NFASC: variants seen among roughly 807,000 people sequenced by gnomAD.
NFASC encodes neurofascin homolog.
In NFASC, 43 loss-of-function variants were observed where a neutral mutation model predicts 147.5. That is an observed-to-expected ratio of 0.29 (90% CI 0.23 to 0.38). NFASC has a LOEUF of 0.38. Ranked by LOEUF, NFASC falls within the 10% of genes least tolerant of loss-of-function variation. The pLI, the probability that NFASC is intolerant of heterozygous loss-of-function variation, is 1.00. For synonymous variants in NFASC, 622 were observed against 665.5 expected (o/e 0.93, Z 1.01); for missense variants, 1,320 against 1,689.0 (o/e 0.78, Z 3.83).
At chr1:204,995,504 G>T (rs563142193) in intron 24 of NFASC, among the ~76,000 whole-genome samples, 2 of 152,020 alleles carry the variant, frequency 1.3e-5, no homozygotes, top group African/African-American at 2.4e-5. Flanking sequence ...TCACCCCTCC[G>T]CACGCCGCCC....
rs868512 is a variant in NFASC, at chr1:205,019,055, C to A, written c.*2516C>A. ...TGAGAGCTGCCCCCCATCACCACGC[C>A]ATCACACCCCTCTGAGCAGAAGCAA... On this transcript the variant is annotated 3_prime_UTR_variant, in exon 30 of 30. Coordinates refer to ENST00000339876, the MANE Select transcript of NFASC (RefSeq NM_001005388.3). 100,990 of 152,194 alleles carry A rather than the reference C, an allele frequency of 0.66. 34,710 individuals are homozygous for A. The highest frequency in any genetic ancestry group is 0.74 in the Non-Finnish European group (50,616 of 68,090). The allele number at this position is 152,194 out of a possible 1,614,324, so 9.4% of individuals were successfully genotyped here.
intron 2 of NFASC, among the ~76,000 whole-genome samples, chr1:204,939,290 A>G (rs899363113): frequency 2.0e-5 from 3 of 152,100 alleles, no homozygotes; most frequent in East Asian, 3.9e-4. Flanking sequence ...TATTATATAT[A>G]AAAGGATCCT....
At chr1:205,003,719 A>G (rs1480332443) in intron 27 of NFASC, among the ~76,000 whole-genome samples, 1 of 152,230 alleles carries the variant, frequency 6.6e-6, no homozygotes. Flanking sequence ...AGTGATTTAC[A>G]TGAACTTCTG....
At chr1:204,955,490 A>G (rs1353628762) in intron 7 of NFASC, among the ~76,000 whole-genome samples, 2 of 152,096 alleles carry the variant, frequency 1.3e-5, no homozygotes, top group East Asian at 3.9e-4. Context: ...GGAAGGGTGA[A>G]TGGGGAATTG....
chr1:204,937,476 C>A (rs192687726), intron 2 of NFASC, among the ~76,000 whole-genome samples: 1 of 152,292 alleles, frequency 6.6e-6, no homozygotes, highest in African/African-American at 2.4e-5. Context: ...TCAACCTGCA[C>A]CCCCAGCAAC....
At chr1:204,944,455 A>ATGG in intron 3 of NFASC, 49 bp downstream of exon 3, 4 of 385,400 alleles carry the variant, frequency 1.0e-5, no homozygotes, top group Non-Finnish European at 1.5e-5. Context: ...TTTTGGGCAG[A>ATGG]GGGGTGGGAG....
At chr1:204,995,362 C>T (rs75072830) in intron 24 of NFASC, among the ~76,000 whole-genome samples, 1 of 136,588 alleles carries the variant, frequency 7.3e-6, no homozygotes, top group African/African-American at 2.8e-5. Context: ...GTATGTGTGT[C>T]GGTGGGTGGG....
At chr1:204,977,221 G>A (rs1056876077) in intron 16 of NFASC, 16 of 660,200 alleles carry the variant, frequency 2.4e-5, no homozygotes, top group Non-Finnish European at 2.9e-5. Flanking sequence ...CTGGGTTTTG[G>A]TAGCGTTTCA....
Position 205,016,312 on chromosome 1 carries a change from G to T in NFASC, c.3496G>T (p.Glu1166Ter). The T allele has an allele frequency of 6.2e-7, 1 of 1,611,346 alleles. No individual in the cohort carries two copies. The highest frequency in any genetic ancestry group is 8.5e-7 in the Non-Finnish European group (1 of 1,177,554). Reference sequence around the variant, plus strand: ...TCTCTGTCTCTCTTTGGCCAGTGATGAGGACAACAAGCCCCTGCAGGGCAG... The same window carrying T: ...TCTCTGTCTCTCTTTGGCCAGTGATTAGGACAACAAGCCCCTGCAGGGCAG... ...EEDGSFDYSDEDNKPLQGSQT... is the reference protein window; with the variant it reads ...EEDGSFDYSD The change falls in exon 30 of 30, where the codon GAG becomes TAG. Residue 1166 changes from glutamate to a stop codon, truncating the protein, a stop_gained. Coordinates refer to ENST00000339876, the MANE Select transcript of NFASC (RefSeq NM_001005388.3). LOFTEE classifies it high-confidence loss of function. This position sits in a 1 kb window ranked among gnomAD's most constrained non-coding sequence, Gnocchi z 5.1.
rs951351266 is a variant in NFASC, at chr1:204,945,101, A to T, written c.91+695A>T. ...TCAGAATCATAAAGTAAGGGGCTTA[A>T]AATGCAAATCTAACAGCCATGTCTC... is the stretch of plus-strand genomic sequence containing the variant. On this transcript the variant is annotated intron_variant, in intron 3 of 29. Transcript: ENST00000339876. 7 of 152,236 alleles carry T rather than the reference A, an allele frequency of 4.6e-5. No individual in the cohort carries two copies. In the South Asian group the frequency reaches 1.4e-3, roughly 32 times the overall value. 9.4% of individuals were successfully genotyped at this position (152,236 alleles called of 1,614,324 possible). A position where few individuals can be genotyped will look rare whatever the true frequency, so the allele number is the denominator to read the frequency against.
intron 1 of NFASC, among the ~76,000 whole-genome samples, chr1:204,898,671 C>T (rs1462712403): frequency 5.3e-5 from 8 of 152,218 alleles, no homozygotes; most frequent in South Asian, 2.1e-4. Context: ...GGCGGGGAGA[C>T]GGGGGAGCAG....
rs2095092449 is a variant in NFASC at position 204,968,755 on chromosome 1, C to A, written c.819-43C>A. The stretch of plus-strand genomic sequence containing the variant: ...CAGCTGTATAGAAGAGGAGAAAGGC[C>A]ACGTTTAGTGATAACTTGTTTCCTG... On this transcript the variant is annotated intron_variant, in intron 9 of 29. Transcript: ENST00000339876. The surrounding 1 kb of genome is among the most constrained non-coding windows in gnomAD (Gnocchi z 5.4). The A allele has an allele frequency of 6.3e-7, 1 of 1,577,294 alleles. No homozygotes were observed. The highest frequency in any genetic ancestry group is 8.6e-7 in the Non-Finnish European group (1 of 1,159,726).
At chr1:204,942,981 C>A (rs774909015) in intron 2 of NFASC, among the ~76,000 whole-genome samples, 5 of 152,218 alleles carry the variant, frequency 3.3e-5, no homozygotes, top group Non-Finnish European at 7.3e-5. Context: ...CCTCAGAGAG[C>A]AGGCACTGGA....
chr1:204,974,625 G>T, intron 13 of NFASC, 32 bp from the exon 14 acceptor site: 3 of 1,613,868 alleles, frequency 1.9e-6, no homozygotes, highest in Non-Finnish European at 2.5e-6. Flanking sequence ...TCCTGTCTCA[G>T]GATGCTGTGT....
intron 1 of NFASC, among the ~76,000 whole-genome samples, 152 bp downstream of exon 1, chr1:204,828,934 G>A (rs548881989): frequency 4.2e-4 from 42 of 100,730 alleles, no homozygotes; most frequent in Non-Finnish European, 7.1e-4. Context: ...TCTCCACACT[G>A]TCACCTGCCC....
At position 205,019,828 on chromosome 1, in the gene NFASC, C is replaced by G. The variant is rs2096388241; in HGVS notation, c.*3289C>G. The G allele has an allele frequency of 6.6e-6, 1 of 152,260 alleles. No homozygotes were observed. The highest frequency in any genetic ancestry group is 2.4e-5 in the African/African-American group (1 of 41,440). 9.4% of individuals were successfully genotyped at this position (152,260 alleles called of 1,614,324 possible). ...CTGCCTCTTGGGGCAAGCTCCTTAA[C>G]CTGTCTGTATTTTTATGCCTCTGTC... On this transcript the variant is annotated 3_prime_UTR_variant, in exon 30 of 30. Coordinates refer to ENST00000339876, the MANE Select transcript of NFASC (RefSeq NM_001005388.3).
rs77307633 is a variant in NFASC, at chr1:205,004,441, A to G, written c.3289+1693A>G. Among the ~76,000 whole-genome samples, 120 of 152,342 alleles carry G rather than the reference A, an allele frequency of 7.9e-4. 1 individual carries two copies. The highest frequency in any genetic ancestry group is 5.0e-3 in the East Asian group (26 of 5,170). On this transcript the variant is annotated intron_variant, in intron 27 of 29. Coordinates refer to ENST00000339876, the MANE Select transcript of NFASC (RefSeq NM_001005388.3). ...TTGATAGCTTGCTTTCCAGTGATGA[A>G]GCACTCAGCCCTGGCAAGTCTTCCC... is the stretch of plus-strand genomic sequence containing the variant.
chr1:204,884,192 G>A lies in NFASC; in HGVS notation c.-199-36440G>A, dbSNP rs148384322. 4.2e-3 allele frequency among the ~76,000 whole-genome samples: 634 copies of A among 152,244 alleles called. 3 individuals carry two copies. Among genetic ancestry groups the A allele is most frequent in the Non-Finnish European group, 7.3e-3 (494 of 68,012 alleles). On this transcript the variant is annotated intron_variant, in intron 1 of 29. Transcript: ENST00000339876. Reference sequence around the variant, plus strand: ...TTTTCAGGGGTGAGGGGTGTGTGTGGAAGGACTGTGATTCAGGAACTTTCA... The same window carrying A: ...TTTTCAGGGGTGAGGGGTGTGTGTGAAAGGACTGTGATTCAGGAACTTTCA...
At chr1:204,898,424 A>G (rs543233962) in intron 1 of NFASC, among the ~76,000 whole-genome samples, 2 of 152,352 alleles carry the variant, frequency 1.3e-5, no homozygotes, top group Admixed American at 6.5e-5. Context: ...AATATGGTAT[A>G]AAAGGAAACC....
Sources: allele counts gnomAD v4.1 joint callset (sites outside exome capture counted in the v4.1 genomes callset), GRCh38; gene constraint gnomAD v4.1.1; non-coding constraint Gnocchi (gnomAD v3.1); transcripts MANE v1.5; gene names NCBI Gene and HGNC (gene_info 2026-07-23, HGNC 2026-07-21).